The following IGSF22 variants were observed in gnomAD, a reference collection of about 807,000 sequenced individuals.
The protein encoded by IGSF22 is immunoglobulin superfamily member 22.
In IGSF22, 119 loss-of-function variants were observed where a neutral mutation model predicts 127.0. The ratio of observed to expected loss-of-function variants is 0.94; its 90% CI spans 0.81 to 1.09. The LOEUF (loss-of-function observed/expected upper bound fraction) is 1.09. Among genes scored for constraint, IGSF22 ranks in the 50% least tolerant of loss-of-function variants. The pLI is 0.00. For missense variants in IGSF22, 1,518 were observed against 1,716.6 expected (o/e 0.88, Z 2.04); for synonymous variants, 568 against 664.7 (o/e 0.85, Z 2.24).
rs1294814793 is a variant in IGSF22 at position 18,719,900 on chromosome 11, G to A, written c.519-7C>T. On this transcript the variant is annotated splice_region_variant and splice_polypyrimidine_tract_variant and intron_variant, in intron 6 of 22. Coordinates refer to ENST00000513874, the MANE Select transcript of IGSF22 (RefSeq NM_173588.4). Reference sequence around the variant, plus strand: ...CTTGGGAGCAGGGGGTGCCCTAGGAGAAGGAGGAAGGGACTAAGCTTGTAC... The same window carrying A: ...CTTGGGAGCAGGGGGTGCCCTAGGAAAAGGAGGAAGGGACTAAGCTTGTAC... 6.2e-7 allele frequency: 1 copy of A among 1,613,954 alleles called. No homozygotes were observed. Among genetic ancestry groups the A allele is most frequent in the Non-Finnish European group, 8.5e-7 (1 of 1,179,982 alleles).
intron 2 of IGSF22, 75 bp downstream of exon 2, chr11:18,724,053 G>C: frequency 8.2e-7 from 1 of 1,222,314 alleles, no homozygotes; most frequent in East Asian, 2.4e-5. Flanking sequence ...GGCAAAACTG[G>C]GGCCACCCAA....
rs777082612 is a variant in IGSF22, at chr11:18,720,244, G to A, written c.420C>T (p.Cys140=). 3 of 1,614,018 alleles carry A rather than the reference G, an allele frequency of 1.9e-6. No homozygotes were observed. Among genetic ancestry groups the A allele is most frequent in the East Asian group, 2.2e-5 (1 of 44,896 alleles). Residue 140 remains cysteine, a synonymous_variant, in exon 5 of 23, where the codon TGC becomes TGT. Transcript: ENST00000513874. ...CATCTGCATGGTCATTGCTTGCAAT[G>A]CACTTATAGTTGTCAGAGTCATCCG... ...LTSDDSDNYK[C]IASNDHADAI...
intron 7 of IGSF22, 97 bp from the exon 8 acceptor site, chr11:18,718,825 G>A: frequency 1.4e-6 from 1 of 730,526 alleles, no homozygotes; most frequent in Non-Finnish European, 2.4e-6. Flanking sequence ...AGCATGTGGG[G>A]AGAAATGACT....
intron 7 of IGSF22, 23 bp from the exon 8 acceptor site, chr11:18,718,751 T>C: frequency 6.7e-7 from 1 of 1,481,950 alleles, no homozygotes. Flanking sequence ...GATAATAAAA[T>C]GACAAGTGTC....
At chr11:18,720,358 G>A (rs80076815) in intron 4 of IGSF22, 73 bp from the exon 5 acceptor site, 56,025 of 1,201,356 alleles carry the variant, frequency 0.047, 1,632 homozygotes, top group Non-Finnish European at 0.057. Flanking sequence ...GATAAGGTAG[G>A]AGGCCTTTTT....
intron 18 of IGSF22, among the ~76,000 whole-genome samples, chr11:18,708,501 G>A (rs1848290746): frequency 6.6e-6 from 1 of 152,196 alleles, no homozygotes; most frequent in Non-Finnish European, 1.5e-5. Context: ...ACCCTGGAAG[G>A]CAAGTCCTTG....
Position 18,717,921 on chromosome 11 carries a change from C to A in IGSF22, c.973+10G>T, listed in dbSNP as rs1255043815. On this transcript the variant is annotated intron_variant, in intron 9 of 22. Coordinates refer to ENST00000513874, the MANE Select transcript of IGSF22 (RefSeq NM_173588.4). Reference sequence around the variant, plus strand: ...GTCCTCCTTGTGCCCTTGCATGCCCCCACTCATACCCAGCACTGTGAGCTC... The same window carrying A: ...GTCCTCCTTGTGCCCTTGCATGCCCACACTCATACCCAGCACTGTGAGCTC... 1.9e-6 allele frequency: 3 copies of A among 1,611,352 alleles called. No homozygotes were observed. Among genetic ancestry groups the A allele is most frequent in the East Asian group, 2.2e-5 (1 of 44,822 alleles).
chr11:18,712,288 C>G lies in IGSF22; in HGVS notation c.2192G>C (p.Arg731Pro), dbSNP rs752864967. ...KWKAPKDNGGRPVTQFIVERR... is the reference protein window; with the variant it reads ...KWKAPKDNGGPPVTQFIVERR... ...TTCCACTATGAACTGTGTCACAGGTCGTCCACCATTGTCCTTTGGGGCCTT... is the reference window on the plus strand; with the variant it reads ...TTCCACTATGAACTGTGTCACAGGTGGTCCACCATTGTCCTTTGGGGCCTT... Residue 731 changes from arginine to proline, a missense_variant, in exon 15 of 23, where the codon CGA becomes CCA. Arg to Pro is a moderately radical substitution (Grantham distance 103). Transcript: ENST00000513874. 1.9e-6 allele frequency: 3 copies of G among 1,551,712 alleles called. No individual in the cohort carries two copies. The highest frequency in any genetic ancestry group is 1.2e-5 in the South Asian group (1 of 84,054).
At chr11:18,719,625 G>T in intron 7 of IGSF22, 91 bp downstream of exon 7, 1 of 1,294,918 alleles carries the variant, frequency 7.7e-7, no homozygotes. Context: ...GAACTGGGGA[G>T]ACCTTCTTGC....
chr11:18,718,831 T>C, intron 7 of IGSF22, 103 bp from the exon 8 acceptor site: 2 of 711,672 alleles, frequency 2.8e-6, no homozygotes, highest in South Asian at 3.4e-5. Context: ...TGGGGAGAAA[T>C]GACTAGGCTC....
At position 18,721,649 on chromosome 11, in the gene IGSF22, G is replaced by A; in HGVS notation, c.264C>T (p.Ala88=). 1.9e-6 allele frequency: 3 copies of A among 1,614,264 alleles called. No individual in the cohort carries two copies. Among genetic ancestry groups the A allele is most frequent in the Non-Finnish European group, 2.5e-6 (3 of 1,180,044 alleles). ...APEGDKAVFR[A]RVQGNAKPHI... is the part of the protein sequence containing the mutation. ...GGGGTTTGGCGTTCCCCTGCACCCG[G>A]GCTCGGAACACGGCTTTGTCCCCTG... The change falls in exon 4 of 23, where the codon GCC becomes GCT. Residue 88 remains alanine, a synonymous_variant. Coordinates refer to ENST00000513874, the MANE Select transcript of IGSF22 (RefSeq NM_173588.4).
In IGSF22 at chr11:18,706,964, T is replaced by A; in HGVS notation, c.3530A>T (p.Asp1177Val). The A allele has an allele frequency of 6.5e-7, 1 of 1,539,684 alleles. No homozygotes were observed. The highest frequency in any genetic ancestry group is 8.8e-7 in the Non-Finnish European group (1 of 1,140,216). Residue 1177 changes from aspartate (D) to valine (V), a missense_variant, in exon 21 of 23, where the codon GAC becomes GTC. By Grantham distance (152) the Asp-to-Val change is radical (BLOSUM62 -3). Coordinates refer to ENST00000513874, the MANE Select transcript of IGSF22 (RefSeq NM_173588.4). The part of the protein sequence containing the change: ...FRVVARNEIG[D>V]SEPLDSRDTW... Reference sequence around the variant, plus strand: ...GTCCCTGGAGTCAAGTGGCTCACTGTCACCGATTTCATTCCGAGCCACCAC... The same window carrying A: ...GTCCCTGGAGTCAAGTGGCTCACTGACACCGATTTCATTCCGAGCCACCAC...
At chr11:18,720,431 A>G (rs1848550404) in intron 4 of IGSF22, 146 bp from the exon 5 acceptor site, 3 of 627,174 alleles carry the variant, frequency 4.8e-6, no homozygotes, top group Non-Finnish European at 2.8e-6. Flanking sequence ...AGCAGCCTGT[A>G]TGATTTGGAG....
intron 18 of IGSF22, among the ~76,000 whole-genome samples, 178 bp from the exon 19 acceptor site, chr11:18,708,473 C>T (rs1044598031): frequency 1.3e-5 from 2 of 152,220 alleles, no homozygotes; most frequent in Non-Finnish European, 2.9e-5. Context: ...CATCTGTCTC[C>T]TTCTACTAGT....
Position 18,710,773 on chromosome 11 carries a change from C to G in IGSF22, c.2454G>C (p.Val818=). Residue 818 remains valine (V), a synonymous_variant, in exon 16 of 23, where the codon GTG becomes GTC. Transcript: ENST00000513874. Reference sequence around the variant, plus strand: ...GGGTAGGGGCATTCCACGTGATGGTCACGGCTTCTTTAGTCACATCAGTCA... The same window carrying G: ...GGGTAGGGGCATTCCACGTGATGGTGACGGCTTCTTTAGTCACATCAGTCA... The part of the protein sequence containing the change: ...PQVTDVTKEA[V]TITWNAPTQD... 1 of 1,614,154 alleles carries G rather than the reference C, an allele frequency of 6.2e-7. No homozygotes were observed. The highest frequency in any genetic ancestry group is 1.1e-5 in the South Asian group (1 of 91,080).
chr11:18,706,716 A>C, intron 21 of IGSF22, 198 bp downstream of exon 21: 5 of 499,060 alleles, frequency 1.0e-5, no homozygotes, highest in African/African-American at 2.0e-5. Context: ...GTACCTCCCC[A>C]CCTCCACTTT....
rs1245604894 is a variant in IGSF22 at position 18,704,489 on chromosome 11, C to A, written c.3960G>T (p.Lys1320Asn). 7 of 1,550,926 alleles carry A rather than the reference C, an allele frequency of 4.5e-6. No individual in the cohort carries two copies. The highest frequency in any genetic ancestry group is 2.4e-5 in the East Asian group (1 of 40,900). ...GAGCTCACATGAGGTGCTTTGATTT[C>A]TTCTGCAGACTCTCGGTGATGGATG... ...VVASITESLQ[K>N]KSKHLM The change falls in exon 23 of 23, where the codon AAG becomes AAT. Residue 1320 changes from lysine (K) to asparagine (N), a missense_variant. Around this residue, in one of 3 missense-constraint regions of IGSF22, gnomAD observed 58 missense variants for 53.0 expected, o/e 1.10. Coordinates refer to ENST00000513874, the MANE Select transcript of IGSF22 (RefSeq NM_173588.4).
At chr11:18,718,923 C>G (rs139416167) in intron 7 of IGSF22, among the ~76,000 whole-genome samples, 195 bp from the exon 8 acceptor site, 1 of 152,272 alleles carries the variant, frequency 6.6e-6, no homozygotes, top group Non-Finnish European at 1.5e-5. Flanking sequence ...GAGTAAAAAA[C>G]CATCATTCAT....
intron 2 of IGSF22, 85 bp from the exon 3 acceptor site, chr11:18,722,126 G>A: frequency 6.6e-7 from 1 of 1,515,872 alleles, no homozygotes; most frequent in Non-Finnish European, 9.1e-7. Flanking sequence ...TGAGAGGACG[G>A]TGGAGCATGG....
Sources: allele counts gnomAD v4.1 joint callset (sites outside exome capture counted in the v4.1 genomes callset), GRCh38; gene constraint gnomAD v4.1.1; regional missense constraint gnomAD v4.1.1; transcripts MANE v1.5; gene names NCBI Gene and HGNC (gene_info 2026-07-23, HGNC 2026-07-21).